MYO10: variants seen among roughly 807,000 people sequenced by gnomAD.
MYO10 encodes the protein unconventional myosin-X.
MYO10 carries 133 observed loss-of-function variants against 257.3 expected under a neutral mutation model. The observed-to-expected ratio is 0.52, with a 90% confidence interval of 0.45 to 0.60. The LOEUF (loss-of-function observed/expected upper bound fraction) is 0.60. MYO10 is among the 20% of genes least tolerant of loss of function. The pLI is 0.00. For missense variants in MYO10, 2,399 were observed against 2,635.7 expected (o/e 0.91, Z 1.97); for synonymous variants, 1,104 against 1,028.6 (o/e 1.07, Z -1.40).
At chr5:16,696,201 C>T (rs1737740533) in intron 26 of MYO10, among the ~76,000 whole-genome samples, 1 of 152,184 alleles carries the variant, frequency 6.6e-6, no homozygotes, top group Non-Finnish European at 1.5e-5. Flanking sequence ...AGCACTCACT[C>T]TTGGCCCTCC....
chr5:16,704,612 A>G lies in MYO10; in HGVS notation c.2243T>C (p.Val748Ala), dbSNP rs777454805. ...REEEVSHAAM[V>A]IRAHVLGFLA... ...GAAGCCCAAGACATGGGCCCGAATC[A>G]CCATGGCCGCGTGGCTCACTTCCTC... The change falls in exon 22 of 41, where the codon GTG (valine) becomes GCG (alanine). Residue 748 changes from valine (V) to alanine (A), a missense_variant. Around this residue, in one of 3 missense-constraint regions of MYO10, gnomAD observed 1,820 missense variants for 1,939.4 expected, o/e 0.94. Transcript: ENST00000513610. The G allele has an allele frequency of 1.2e-6, 2 of 1,613,884 alleles. No homozygotes were observed. Among genetic ancestry groups the G allele is most frequent in the East Asian group, 4.5e-5 (2 of 44,848 alleles).
intron 2 of MYO10, among the ~76,000 whole-genome samples, chr5:16,823,106 C>T (rs759001618): frequency 2.6e-4 from 40 of 151,694 alleles, no homozygotes; most frequent in Non-Finnish European, 5.0e-4. Flanking sequence ...GGGTATTAGT[C>T]GTGCAAGGTA....
At chr5:16,839,579 C>CA (rs1421055703) in intron 2 of MYO10, among the ~76,000 whole-genome samples, 4 of 151,930 alleles carry the variant, frequency 2.6e-5, no homozygotes, top group South Asian at 2.1e-4. Context: ...CCCATCTCTA[C>CA]AAAAAATACA....
intron 1 of MYO10, among the ~76,000 whole-genome samples, chr5:16,928,596 A>C (rs1034325206): frequency 6.6e-6 from 1 of 152,084 alleles, no homozygotes; most frequent in African/African-American, 2.4e-5. Context: ...CTGTAATCCC[A>C]GCACTTTGGG....
intron 2 of MYO10, among the ~76,000 whole-genome samples, chr5:16,828,445 C>T (rs1743064559): frequency 1.3e-5 from 2 of 151,918 alleles, no homozygotes; most frequent in African/African-American, 2.4e-5. Context: ...ACCACCACCC[C>T]CCGTCTCTAC....
chr5:16,795,245 G>C (rs1263828309), intron 3 of MYO10, among the ~76,000 whole-genome samples: 2 of 152,198 alleles, frequency 1.3e-5, no homozygotes, highest in African/African-American at 4.8e-5. Context: ...AGGTAGCCAG[G>C]GGTTGGGGGA....
At chr5:16,733,261 T>C (rs1482255521) in intron 19 of MYO10, among the ~76,000 whole-genome samples, 1 of 152,184 alleles carries the variant, frequency 6.6e-6, no homozygotes, top group Admixed American at 6.5e-5. Context: ...CAGATTTATA[T>C]TAGTGGAGTG....
intron 3 of MYO10, 119 bp from the exon 4 acceptor site, chr5:16,794,952 C>G (rs916850412): frequency 1.3e-4 from 98 of 746,072 alleles, no homozygotes; most frequent in Middle Eastern, 2.5e-4. Flanking sequence ...CCCGGGTGCA[C>G]ACTGTCCCTG....
chr5:16,710,363 GCT>G (rs957474990), intron 21 of MYO10, among the ~76,000 whole-genome samples: 2 of 152,160 alleles, frequency 1.3e-5, no homozygotes, highest in African/African-American at 4.8e-5. Flanking sequence ...CCCATACTCT[GCT>G]CCTATCTGGA....
intron 3 of MYO10, among the ~76,000 whole-genome samples, chr5:16,799,681 C>T (rs563952903): frequency 2.0e-4 from 30 of 152,114 alleles, no homozygotes; most frequent in African/African-American, 4.6e-4. Flanking sequence ...CTACTAGAGA[C>T]GGGATTTCAT....
intron 19 of MYO10, among the ~76,000 whole-genome samples, chr5:16,727,741 A>G (rs562765269): frequency 6.6e-6 from 1 of 152,210 alleles, no homozygotes; most frequent in Non-Finnish European, 1.5e-5. Context: ...TTTTTAAAAC[A>G]AACTGTTGAA....
Position 16,691,048 on chromosome 5 carries a change from T to C in MYO10, c.3801-1129A>G, listed in dbSNP as rs562073995. The stretch of plus-strand genomic sequence containing the variant: ...ACTTTGGGAGGCTGAGGCGGGCGGA[T>C]CATGAGGTCAGGAGATCGAGACCAT... On this transcript the variant is annotated intron_variant, in intron 27 of 40. Transcript: ENST00000513610. Among the ~76,000 whole-genome samples the C allele has an allele frequency of 7.3e-5, 11 of 151,548 alleles. No individual in the cohort carries two copies. In the East Asian group the frequency reaches 2.2e-3, roughly 30 times the overall value.
intron 2 of MYO10, among the ~76,000 whole-genome samples, chr5:16,838,665 C>T (rs2126724800): frequency 6.6e-6 from 1 of 152,218 alleles, no homozygotes; most frequent in East Asian, 1.9e-4. Context: ...TCAGTGTGGA[C>T]AAAACAGCCT....
At chr5:16,862,287 G>C (rs926713045) in intron 2 of MYO10, among the ~76,000 whole-genome samples, 1 of 152,212 alleles carries the variant, frequency 6.6e-6, no homozygotes, top group Non-Finnish European at 1.5e-5. Context: ...GCCTGGATAG[G>C]TCTTTGCAGA....
Position 16,672,681 on chromosome 5 carries a change from G to T in MYO10, c.5309+8C>A, listed in dbSNP as rs377139503. On this transcript the variant is annotated splice_region_variant and intron_variant, in intron 37 of 40. Coordinates refer to ENST00000513610, the MANE Select transcript of MYO10 (RefSeq NM_012334.3). The stretch of plus-strand genomic sequence containing the variant: ...GCTCTTCTGACACAGTAGGGAAAAG[G>T]AACCTACTTTTCAAACTTGGCTAAG... The T allele has an allele frequency of 1.2e-6, 2 of 1,613,934 alleles. No individual in the cohort carries two copies. Among genetic ancestry groups the T allele is most frequent in the Non-Finnish European group, 1.7e-6 (2 of 1,179,846 alleles).
chr5:16,828,170 C>T (rs1743055860), intron 2 of MYO10, among the ~76,000 whole-genome samples: 1 of 152,144 alleles, frequency 6.6e-6, no homozygotes, highest in South Asian at 2.1e-4. Context: ...GGGCAGCACA[C>T]AGCTCACCCC....
chr5:16,677,561 G>T (rs537515369), intron 33 of MYO10, among the ~76,000 whole-genome samples: 1 of 148,230 alleles, frequency 6.7e-6, no homozygotes, highest in Non-Finnish European at 1.5e-5. Flanking sequence ...GACTACAGGC[G>T]CCTGCCACCA....
chr5:16,880,603 A>G (rs1184074831), intron 1 of MYO10, among the ~76,000 whole-genome samples: 1 of 152,228 alleles, frequency 6.6e-6, no homozygotes, highest in East Asian at 1.9e-4. Flanking sequence ...AAAAATGAAT[A>G]TTAAGTGCTC....
Position 16,666,594 on chromosome 5 carries a change from C to T in MYO10, c.*98G>A. 2.0e-6 allele frequency: 2 copies of T among 1,006,532 alleles called. No individual in the cohort carries two copies. Among genetic ancestry groups the T allele is most frequent in the Non-Finnish European group, 2.9e-6 (2 of 693,320 alleles). The allele number at this position is 1,006,532 out of a possible 1,614,324, so 62.4% of individuals were successfully genotyped here. A position where few individuals can be genotyped will look rare whatever the true frequency, so the allele number is the denominator to read the frequency against. The stretch of plus-strand genomic sequence containing the variant: ...AGAAGCTTCCAGAAAGCCTGGGCAG[C>T]TCTGTGTTTGTTTTGGCTGGGCATG... On this transcript the variant is annotated 3_prime_UTR_variant, in exon 41 of 41. Transcript: ENST00000513610.
Sources: allele counts gnomAD v4.1 joint callset (sites outside exome capture counted in the v4.1 genomes callset), GRCh38; gene constraint gnomAD v4.1.1; regional missense constraint gnomAD v4.1.1; transcripts MANE v1.5; gene names NCBI Gene and HGNC (gene_info 2026-07-23, HGNC 2026-07-21).